SYNE2: variants seen among roughly 807,000 people sequenced by gnomAD.
SYNE2 encodes the protein nesprin-2.
A neutral mutation model predicts 856.3 loss-of-function variants in SYNE2; 431 were observed. The ratio of observed to expected loss-of-function variants is 0.50; its 90% CI spans 0.47 to 0.55. The LOEUF is 0.55. Ranked by LOEUF, SYNE2 falls within the 20% of genes least tolerant of loss-of-function variation. The pLI is 0.00. For synonymous variants in SYNE2, 2,923 were observed against 2,872.3 expected (o/e 1.02, Z -0.56); for missense variants, 8,129 against 8,023.2 (o/e 1.01, Z -0.50).
intron 1 of SYNE2, among the ~76,000 whole-genome samples, chr14:63,801,672 C>A (rs1888136185): frequency 6.6e-6 from 1 of 151,184 alleles, no homozygotes. Flanking sequence ...GAAACTCCAT[C>A]TCGAAAAAAA....
intron 89 of SYNE2, among the ~76,000 whole-genome samples, chr14:64,164,076 C>T (rs57525468): frequency 0.35 from 51,933 of 149,034 alleles, 9,006 homozygotes; most frequent in East Asian, 0.51. Context: ...CCCACCACCA[C>T]GCCTGGCTTG....
chr14:64,217,866 G>T (rs769110013), intron 108 of SYNE2, among the ~76,000 whole-genome samples: 1 of 152,138 alleles, frequency 6.6e-6, no homozygotes, highest in Non-Finnish European at 1.5e-5. Context: ...CAGCCCAATC[G>T]GCTGTGTGAT....
chr14:64,130,133 C>A lies in SYNE2; in HGVS notation c.14225C>A (p.Ala4742Asp). The A allele has an allele frequency of 1.2e-6, 2 of 1,614,154 alleles. No homozygotes were observed. Among genetic ancestry groups the A allele is most frequent in the Non-Finnish European group, 1.7e-6 (2 of 1,180,030 alleles). ...TTCGTCACTGAGAGCCAGCAAGATGCTTTGTTGCAAGGCATGGTGGAACTG... is the reference window on the plus strand; with the variant it reads ...TTCGTCACTGAGAGCCAGCAAGATGATTTGTTGCAAGGCATGGTGGAACTG... Reference protein sequence around the residue: ...SPFVTESQQDALLQGMVELVK... With the variant: ...SPFVTESQQDDLLQGMVELVK... The change falls in exon 76 of 116, where the codon GCT (alanine) becomes GAT (aspartate). Residue 4742 changes from alanine (A) to aspartate (D), a missense_variant. Around this residue, in one of 3 missense-constraint regions of SYNE2, gnomAD observed 5,410 missense variants for 5,284.8 expected, o/e 1.02. Coordinates refer to ENST00000555002, the MANE Select transcript of SYNE2 (RefSeq NM_182914.3).
intron 88 of SYNE2, chr14:64,162,481 A>G (rs2098337051): frequency 3.1e-6 from 2 of 636,430 alleles, no homozygotes; most frequent in East Asian, 2.9e-5. Context: ...TAGCTGGATC[A>G]GGGGGACTCG....
Position 64,225,443 on chromosome 14 carries a change from G to C in SYNE2, c.20641G>C (p.Asp6881His), listed in dbSNP as rs1345320685. 3.1e-6 allele frequency: 5 copies of C among 1,614,158 alleles called. No homozygotes were observed. The highest frequency in any genetic ancestry group is 4.2e-6 in the Non-Finnish European group (5 of 1,180,014). The change falls in exon 116 of 116, where the codon GAC becomes CAC. Residue 6881 changes from aspartate to histidine, a missense_variant. Around this residue, in one of 3 missense-constraint regions of SYNE2, gnomAD observed 5,410 missense variants for 5,284.8 expected, o/e 1.02. Coordinates refer to ENST00000555002, the MANE Select transcript of SYNE2 (RefSeq NM_182914.3). ...CTGCCTGCTGCCCTCCTCCGAAGAA[G>C]ACTACAGCTGCACTCAGGCCAACAA... ...LACLLPSSEE[D>H]YSCTQANNFA...
Position 64,051,728 on chromosome 14 carries a change from T to G in SYNE2, c.7815T>G (p.His2605Gln). ...AAAGCCAGATTAAGCAACTTGAACA[T>G]GGTTGGGAACAAGTGGAACAGCAGA... ...LLESQIKQLE[H>Q]GWEQVEQQIQ... The change falls in exon 48 of 116, where the codon CAT becomes CAG. Residue 2605 changes from histidine to glutamine, a missense_variant. Around this residue, in one of 3 missense-constraint regions of SYNE2, gnomAD observed 5,410 missense variants for 5,284.8 expected, o/e 1.02. Transcript: ENST00000555002. 6.2e-7 allele frequency: 1 copy of G among 1,614,212 alleles called. No homozygotes were observed. Among genetic ancestry groups the G allele is most frequent in the Non-Finnish European group, 8.5e-7 (1 of 1,180,038 alleles).
chr14:63,881,502 A>G (rs1329662761), intron 1 of SYNE2, among the ~76,000 whole-genome samples: 1 of 151,716 alleles, frequency 6.6e-6, no homozygotes, highest in Non-Finnish European at 1.5e-5. Flanking sequence ...TAAACAAAAC[A>G]AAACAATCTG....
intron 9 of SYNE2, 100 bp from the exon 10 acceptor site, chr14:63,963,798 AT>A (rs2096353704): frequency 2.7e-6 from 2 of 751,682 alleles, no homozygotes; most frequent in East Asian, 5.4e-5. Flanking sequence ...TTGGTGTGTA[AT>A]GATGGCATTA....
At chr14:64,128,580 G>T in intron 74 of SYNE2, 27 bp downstream of exon 74, 1 of 1,427,628 alleles carries the variant, frequency 7.0e-7, no homozygotes, top group South Asian at 1.1e-5. Flanking sequence ...AATTCAGACT[G>T]ACTTAACTTT....
At chr14:63,770,982 A>G (rs2139704761) in intron 1 of SYNE2, among the ~76,000 whole-genome samples, 1 of 152,012 alleles carries the variant, frequency 6.6e-6, no homozygotes, top group East Asian at 1.9e-4. Flanking sequence ...CTGGGATTCC[A>G]GGGATAAGTC....
At chr14:64,087,898 G>A (rs781149283) in intron 58 of SYNE2, 42 bp downstream of exon 58, 1 of 1,601,814 alleles carries the variant, frequency 6.2e-7, no homozygotes, top group Non-Finnish European at 8.5e-7. Context: ...GATTAAATTA[G>A]AGGCTGGGCA....
chr14:63,964,081 G>T, intron 10 of SYNE2, 81 bp downstream of exon 10: 1 of 890,284 alleles, frequency 1.1e-6, no homozygotes, highest in Non-Finnish European at 1.8e-6. Context: ...ACTCTTTCAG[G>T]CTTAAGTATT....
intron 96 of SYNE2, among the ~76,000 whole-genome samples, chr14:64,183,471 A>T (rs986701855): frequency 2.0e-5 from 3 of 146,458 alleles, no homozygotes; most frequent in Non-Finnish European, 4.5e-5. Context: ...ATCCCAGACG[A>T]TGGGCGGCCA....
chr14:64,005,582 T>TA (rs1442325113), intron 30 of SYNE2, among the ~76,000 whole-genome samples: 6 of 152,214 alleles, frequency 3.9e-5, no homozygotes, highest in Non-Finnish European at 7.3e-5. Flanking sequence ...TGAAAAAGAC[T>TA]AAAGTTTATC....
intron 60 of SYNE2, among the ~76,000 whole-genome samples, chr14:64,092,946 C>A (rs377075315): frequency 6.6e-6 from 1 of 152,122 alleles, no homozygotes; most frequent in South Asian, 2.1e-4. Context: ...CCTTTCTATG[C>A]GGAAAGCCCC....
chr14:64,065,567 T>C lies in SYNE2; in HGVS notation c.10348T>C (p.Trp3450Arg), dbSNP rs375398029. Residue 3450 changes from tryptophan (W) to arginine (R), a missense_variant, in exon 51 of 116, where the codon TGG (tryptophan) becomes CGG (arginine). Physicochemically the swap from Trp to Arg is moderately radical, Grantham distance 101 (BLOSUM62 -3). Coordinates refer to ENST00000555002, the MANE Select transcript of SYNE2 (RefSeq NM_182914.3). ...GATTGTGTCGGCTCTGTGGGAGAAA[T>C]GGCTGAGTTTGCTGGAAGCTGCTAA... is the stretch of plus-strand genomic sequence containing the variant. The part of the protein sequence containing the change: ...LKIVSALWEK[W>R]LSLLEAAKEW... 272 of 1,613,918 alleles carry C rather than the reference T, an allele frequency of 1.7e-4. No homozygotes were observed. The highest frequency in any genetic ancestry group is 2.1e-4 in the Non-Finnish European group (247 of 1,180,036).
intron 10 of SYNE2, among the ~76,000 whole-genome samples, chr14:63,965,403 G>T (rs563596009): frequency 2.0e-5 from 3 of 152,200 alleles, no homozygotes; most frequent in Non-Finnish European, 4.4e-5. Context: ...CTACTGAAAG[G>T]GTAGACATGG....
At chr14:64,215,177 TAAAG>T in intron 106 of SYNE2, 105 bp from the exon 107 acceptor site, 1 of 1,032,908 alleles carries the variant, frequency 9.7e-7, no homozygotes. Context: ...ATTAAAAAAA[TAAAG>T]GGTAGTTTTC....
In SYNE2 at chr14:64,210,138, C is replaced by T; in HGVS notation, c.18723+14C>T. On this transcript the variant is annotated intron_variant, in intron 103 of 115. Transcript: ENST00000555002. Reference sequence around the variant, plus strand: ...CGGAGACTCAGGGTGAGCTCCTCTGCACCTGGCTCGGGTGTAGATTTTCCA... The same window carrying T: ...CGGAGACTCAGGGTGAGCTCCTCTGTACCTGGCTCGGGTGTAGATTTTCCA... 1.2e-6 allele frequency: 2 copies of T among 1,612,288 alleles called. No individual in the cohort carries two copies. The highest frequency in any genetic ancestry group is 1.7e-4 in the Middle Eastern group (1 of 5,886).
Sources: gnomAD v4.1 joint callset for allele counts (sites outside exome capture counted in the v4.1 genomes callset) on GRCh38, gnomAD v4.1.1 for gene constraint, gnomAD v4.1.1 regional missense constraint, MANE v1.5 for transcripts, NCBI Gene and HGNC (gene_info 2026-07-23, HGNC 2026-07-21) for gene names.